FABP3: variants seen among roughly 807,000 people sequenced by gnomAD.
FABP3 encodes the protein fatty acid-binding protein, heart.
FABP3 carries 8 observed loss-of-function variants against 13.4 expected under a neutral mutation model. The ratio of observed to expected loss-of-function variants is 0.60; its 90% CI spans 0.35 to 1.07. The LOEUF is 1.07. Ranked by LOEUF, FABP3 falls within the 50% of genes least tolerant of loss-of-function variation. The pLI, the probability that FABP3 is intolerant of heterozygous loss-of-function variation, is 0.02. For missense variants in FABP3, 135 were observed against 164.7 expected (o/e 0.82, Z 0.99); for synonymous variants, 64 against 60.0 (o/e 1.07, Z -0.31).
Position 31,365,840 on chromosome 1 carries a change from G to T in FABP3, c.*46C>A. Reference sequence around the variant, plus strand: ...ATGAGGCAATGTGGTGCTGAGTCGAGGGGTAGCCGATTGGCAGAGTAGTAG... The same window carrying T: ...ATGAGGCAATGTGGTGCTGAGTCGATGGGTAGCCGATTGGCAGAGTAGTAG... On this transcript the variant is annotated 3_prime_UTR_variant, in exon 4 of 4. Transcript: ENST00000373713. 3 of 1,567,972 alleles carry T rather than the reference G, an allele frequency of 1.9e-6. No individual in the cohort carries two copies. The highest frequency in any genetic ancestry group is 2.6e-6 in the Non-Finnish European group (3 of 1,138,202).
intron 1 of FABP3, 144 bp from the exon 2 acceptor site, chr1:31,369,701 C>T: frequency 1.4e-6 from 1 of 729,608 alleles, no homozygotes; most frequent in Non-Finnish European, 2.3e-6. Flanking sequence ...TTTTAAAATT[C>T]AGTCTTGCGC....
chr1:31,363,888 C>T (rs911797379), downstream of FABP3: 1 of 1,336,462 alleles, frequency 7.5e-7, no homozygotes, highest in East Asian at 2.5e-5. Flanking sequence ...ATCTTGAACT[C>T]CTGGCCTCAA....
downstream of FABP3, chr1:31,364,136 C>A: frequency 6.2e-7 from 1 of 1,613,800 alleles, no homozygotes; most frequent in Non-Finnish European, 8.5e-7. Context: ...CAAAAGACAG[C>A]AAGGCAGCAA....
chr1:31,362,338 G>A (rs1384236170), downstream of FABP3, among the ~76,000 whole-genome samples: 1 of 152,154 alleles, frequency 6.6e-6, no homozygotes, highest in Admixed American at 6.5e-5. Context: ...TTGGAAGCTG[G>A]CATCCTTTTC....
chr1:31,369,802 T>G (rs1060811), intron 1 of FABP3, among the ~76,000 whole-genome samples: 2 of 152,156 alleles, frequency 1.3e-5, no homozygotes, highest in South Asian at 4.1e-4. Context: ...GTGGCAGAGC[T>G]GGGATTAGAA....
chr1:31,367,810 G>T (rs934598271), intron 2 of FABP3, among the ~76,000 whole-genome samples: 2 of 152,178 alleles, frequency 1.3e-5, no homozygotes, highest in Non-Finnish European at 2.9e-5. Context: ...ACACTTATCT[G>T]TACTCTAGGT....
At chr1:31,366,089 T>A (rs893157691) in intron 3 of FABP3, 150 bp from the exon 4 acceptor site, 1 of 618,770 alleles carries the variant, frequency 1.6e-6, no homozygotes, top group Non-Finnish European at 2.9e-6. Flanking sequence ...TGTGTGTGTG[T>A]GTGTGTGTGT....
chr1:31,364,154 GAAA>G (rs1453565134), downstream of FABP3: 2 of 1,613,676 alleles, frequency 1.2e-6, no homozygotes, highest in Non-Finnish European at 1.7e-6. Flanking sequence ...CAAAGAAGAA[GAAA>G]AAGAAGAAGA....
chr1:31,368,345 T>C (rs1640147351), intron 2 of FABP3, among the ~76,000 whole-genome samples: 1 of 152,222 alleles, frequency 6.6e-6, no homozygotes, highest in Non-Finnish European at 1.5e-5. Flanking sequence ...CCCCTAGTTT[T>C]TTTTGCCTAC....
At position 31,365,747 on chromosome 1, in the gene FABP3, C is replaced by A; in HGVS notation, c.*139G>T. ...ACCACATACACCATGGGAACTGGAA[C>A]TGGATCCCGGTCAGTGGCACCTGAC... is the stretch of plus-strand genomic sequence containing the variant. On this transcript the variant is annotated 3_prime_UTR_variant, in exon 4 of 4. Transcript: ENST00000373713. 5 of 699,814 alleles carry A rather than the reference C, an allele frequency of 7.1e-6. No homozygotes were observed. Among genetic ancestry groups the A allele is most frequent in the African/African-American group, 1.8e-5 (1 of 55,218 alleles). 43.4% of individuals were successfully genotyped at this position (699,814 alleles called of 1,614,324 possible).
chr1:31,373,062 A>C lies in FABP3; in HGVS notation c.-48T>G. 2 of 1,585,706 alleles carry C rather than the reference A, an allele frequency of 1.3e-6. No individual in the cohort carries two copies. The highest frequency in any genetic ancestry group is 1.7e-6 in the Non-Finnish European group (2 of 1,155,334). On this transcript the variant is annotated 5_prime_UTR_variant, in exon 1 of 4. Coordinates refer to ENST00000373713, the MANE Select transcript of FABP3 (RefSeq NM_004102.5). ...AGAAGCTACAAGAGAGCAGGCGTGCAAGGGCTCCGACGGCGGCTCCCTGCC... is the reference window on the plus strand; with the variant it reads ...AGAAGCTACAAGAGAGCAGGCGTGCCAGGGCTCCGACGGCGGCTCCCTGCC...
chr1:31,364,010 A>T (rs776769031), downstream of FABP3: 37 of 1,606,778 alleles, frequency 2.3e-5, no homozygotes, highest in Middle Eastern at 1.7e-4. Flanking sequence ...TACAGTGTTG[A>T]TTTTTAAAAT....
chr1:31,368,474 C>G (rs1051295454), intron 2 of FABP3, among the ~76,000 whole-genome samples: 1 of 152,158 alleles, frequency 6.6e-6, no homozygotes, highest in Non-Finnish European at 1.5e-5. Context: ...GGGCAGCCAC[C>G]TTTATCCAAG....
Position 31,365,621 on chromosome 1 carries a change from A to C in FABP3, c.*265T>G. The C allele has an allele frequency of 2.3e-6, 1 of 428,630 alleles. No homozygotes were observed. The highest frequency in any genetic ancestry group is 4.3e-6 in the Non-Finnish European group (1 of 231,388). 26.6% of individuals were successfully genotyped at this position (428,630 alleles called of 1,614,324 possible). ...ACACACAGGATAAACCAAGACTCCC[A>C]GAGTTATGTTACCAAAGGCAAAAAG... is the stretch of plus-strand genomic sequence containing the variant. On this transcript the variant is annotated 3_prime_UTR_variant, in exon 4 of 4. Transcript: ENST00000373713.
At position 31,367,386 on chromosome 1, in the gene FABP3, A is replaced by G. The variant is rs974078875; in HGVS notation, c.348+7T>C. ...ATCAGATATAGCTCCAAAGTTGCCC[A>G]TCTTACCAGGATGAGTTTTCCATCA... is the stretch of plus-strand genomic sequence containing the variant. On this transcript the variant is annotated splice_region_variant and intron_variant, in intron 3 of 3. Coordinates refer to ENST00000373713, the MANE Select transcript of FABP3 (RefSeq NM_004102.5). 1.2e-6 allele frequency: 2 copies of G among 1,612,420 alleles called. No homozygotes were observed. Among genetic ancestry groups the G allele is most frequent in the Non-Finnish European group, 1.7e-6 (2 of 1,178,426 alleles).
downstream of FABP3, chr1:31,364,199 T>C: frequency 2.5e-6 from 4 of 1,611,360 alleles, no homozygotes; most frequent in African/African-American, 1.3e-5. Context: ...AGTGAGAGTA[T>C]AAAGAGTGTA....
downstream of FABP3, among the ~76,000 whole-genome samples, chr1:31,362,705 T>G (rs1018420924): frequency 6.6e-6 from 1 of 152,226 alleles, no homozygotes. Flanking sequence ...GAAACCAGAA[T>G]AGCAGTCAGG....
intron 3 of FABP3, among the ~76,000 whole-genome samples, chr1:31,366,863 C>T (rs1640122527): frequency 6.6e-6 from 1 of 152,190 alleles, no homozygotes; most frequent in Non-Finnish European, 1.5e-5. Context: ...CCCCACCAGT[C>T]ACGAGCCTGT....
At chr1:31,371,402 A>C (rs1557471349) in intron 1 of FABP3, among the ~76,000 whole-genome samples, 1 of 152,236 alleles carries the variant, frequency 6.6e-6, no homozygotes, top group Non-Finnish European at 1.5e-5. Flanking sequence ...CTGAACCAAG[A>C]GAAACTAAGA....
Sources: gnomAD v4.1 joint callset for allele counts (sites outside exome capture counted in the v4.1 genomes callset) on GRCh38, gnomAD v4.1.1 for gene constraint, MANE v1.5 for transcripts, NCBI Gene and HGNC (gene_info 2026-07-23, HGNC 2026-07-21) for gene names.